The following DCK variants were observed in gnomAD, a reference collection of about 807,000 sequenced individuals.
DCK encodes the protein deoxycytidine kinase, also known as deoxyadenosine kinase.
A neutral mutation model predicts 38.3 loss-of-function variants in DCK; 23 were observed. The ratio of observed to expected loss-of-function variants is 0.60; its 90% CI spans 0.43 to 0.85. DCK has a LOEUF of 0.85. Ranked by LOEUF, DCK falls within the 40% of genes least tolerant of loss-of-function variation. DCK has a pLI of 0.00. For missense variants in DCK, 259 were observed against 304.4 expected, an observed-to-expected ratio of 0.85 and a Z score of 1.11; for synonymous variants, 108 against 100.6, an observed-to-expected ratio of 1.07 and a Z score of -0.44.
intron 6 of DCK, chr4:71,028,759 AT>A (rs11394166): frequency 8.8e-3 from 2,175 of 246,994 alleles, no homozygotes; most frequent in South Asian, 0.016. Context: ...TGCCTAGCTA[AT>A]TTTTTTTTTT....
chr4:71,014,088 G>T (rs1190105082), intron 2 of DCK, among the ~76,000 whole-genome samples: 1 of 151,514 alleles, frequency 6.6e-6, no homozygotes, highest in Non-Finnish European at 1.5e-5. Flanking sequence ...CCAAGCAAAT[G>T]GAAAACAAAA....
intron 2 of DCK, chr4:71,006,332 G>A (rs1739941665): frequency 1.1e-6 from 1 of 945,198 alleles, no homozygotes; most frequent in Non-Finnish European, 1.3e-6. Context: ...GAATGACAGA[G>A]TTCAGTGTCA....
intron 2 of DCK, among the ~76,000 whole-genome samples, chr4:71,008,527 A>C (rs1192861429): frequency 1.3e-5 from 2 of 152,210 alleles, no homozygotes; most frequent in Non-Finnish European, 2.9e-5. Context: ...AAGTTTGCTT[A>C]GCTTTTGAAG....
intron 2 of DCK, among the ~76,000 whole-genome samples, chr4:70,999,057 A>G (rs950025323): frequency 2.0e-5 from 3 of 152,266 alleles, no homozygotes. Flanking sequence ...TCTGGGATAC[A>G]TGTGCAGAAC....
chr4:71,001,849 A>T (rs1739808360), intron 2 of DCK, among the ~76,000 whole-genome samples: 1 of 151,868 alleles, frequency 6.6e-6, no homozygotes, highest in African/African-American at 2.4e-5. Context: ...TGTCTATTTG[A>T]TTCTTCCCGC....
rs886358023 is a variant in DCK at position 71,030,742 on chromosome 4, A to C, written c.*1364A>C. 2.6e-5 allele frequency: 4 copies of C among 152,140 alleles called. No individual in the cohort carries two copies. Among genetic ancestry groups the C allele is most frequent in the Non-Finnish European group, 4.4e-5 (3 of 67,994 alleles). The allele number at this position is 152,140 out of a possible 1,614,324, so 9.4% of individuals were successfully genotyped here. On this transcript the variant is annotated 3_prime_UTR_variant, in exon 7 of 7. Coordinates refer to ENST00000286648, the MANE Select transcript of DCK (RefSeq NM_000788.3). ...GAATTAAAATTTATTCTACTTTTAA[A>C]TAAATTATGAATATTAAAGGTGAAA... is the stretch of plus-strand genomic sequence containing the variant.
intron 6 of DCK, 101 bp from the exon 7 acceptor site, chr4:71,029,251 C>G (rs1472824470): frequency 3.0e-6 from 2 of 674,928 alleles, no homozygotes; most frequent in Non-Finnish European, 5.0e-6. Flanking sequence ...ACTTATACAG[C>G]TGGGGTCTTC....
chr4:71,002,883 G>A (rs1014266417), intron 2 of DCK, among the ~76,000 whole-genome samples: 3 of 151,976 alleles, frequency 2.0e-5, no homozygotes, highest in Non-Finnish European at 4.4e-5. Context: ...CCTGAATACC[G>A]CACACTGATG....
rs72552074 is a variant in DCK at position 71,023,212 on chromosome 4, C to T, written c.402-347C>T. ...AGAATATCATTGCTTTACATTTTTG[C>T]AGATATCTTTAATGCCTCACTTATT... On this transcript the variant is annotated intron_variant, in intron 3 of 6. Transcript: ENST00000286648. 8.2e-3 allele frequency among the ~76,000 whole-genome samples: 1,253 copies of T among 152,240 alleles called. 8 individuals are homozygous for T. The highest frequency in any genetic ancestry group is 0.029 in the African/African-American group (1,192 of 41,552).
chr4:71,009,447 T>C (rs1740033423), intron 2 of DCK, among the ~76,000 whole-genome samples: 1 of 152,238 alleles, frequency 6.6e-6, no homozygotes, highest in Admixed American at 6.5e-5. Flanking sequence ...CAGACTGTGA[T>C]GCATTAATAC....
intron 2 of DCK, among the ~76,000 whole-genome samples, chr4:71,003,591 G>C (rs1434355519): frequency 6.6e-6 from 1 of 152,198 alleles, no homozygotes; most frequent in Non-Finnish European, 1.5e-5. Flanking sequence ...AGGTATACCA[G>C]TCAAACGTAG....
intron 2 of DCK, among the ~76,000 whole-genome samples, chr4:71,003,083 A>G (rs1401876125): frequency 6.6e-6 from 1 of 152,136 alleles, no homozygotes; most frequent in African/African-American, 2.4e-5. Context: ...ATGTTTTTGC[A>G]GTGGCTGGTA....
At chr4:70,995,111 GA>G (rs796697829) in intron 1 of DCK, among the ~76,000 whole-genome samples, 8 of 152,318 alleles carry the variant, frequency 5.3e-5, no homozygotes, top group African/African-American at 1.9e-4. Context: ...CATTCTCAAA[GA>G]GGACTTCTTA....
At chr4:71,018,423 C>T (rs7699712) in intron 2 of DCK, among the ~76,000 whole-genome samples, 2,160 of 152,110 alleles carry the variant, frequency 0.014, 54 homozygotes, top group African/African-American at 0.05. Context: ...CCACTGCGCC[C>T]GGCCTAGATT....
Position 70,993,827 on chromosome 4 carries a change from G to A in DCK, c.-9G>A, listed in dbSNP as rs1270331186. 1 of 1,609,494 alleles carries A rather than the reference G, an allele frequency of 6.2e-7. No homozygotes were observed. The highest frequency in any genetic ancestry group is 8.5e-7 in the Non-Finnish European group (1 of 1,176,284). ...CCGGACGAGCTCTGGGCCGCCACAA[G>A]ACTAAGGAATGGCCACCCCGCCCAA... On this transcript the variant is annotated 5_prime_UTR_variant, in exon 1 of 7. Coordinates refer to ENST00000286648, the MANE Select transcript of DCK (RefSeq NM_000788.3).
chr4:70,995,469 A>G lies in DCK; in HGVS notation c.91+1543A>G, dbSNP rs183432920. On this transcript the variant is annotated intron_variant, in intron 1 of 6. Transcript: ENST00000286648. ...TGCATGTGTTGGTGTGCCTCCAGCT[A>G]CTCAGGAGGCTGAGGCAGGAGGATT... 2.2e-4 allele frequency among the ~76,000 whole-genome samples: 33 copies of G among 152,262 alleles called. No individual in the cohort carries two copies. The East Asian group carries it at 4.4e-3, about 20-fold the overall frequency.
Position 71,029,500 on chromosome 4 carries a change from G to T in DCK, c.*122G>T. 1 of 704,202 alleles carries T rather than the reference G, an allele frequency of 1.4e-6. No homozygotes were observed. Among genetic ancestry groups the T allele is most frequent in the Non-Finnish European group, 2.4e-6 (1 of 410,910 alleles). 43.6% of individuals were successfully genotyped at this position (704,202 alleles called of 1,614,324 possible). A position where few individuals can be genotyped will look rare whatever the true frequency, so the allele number is the denominator to read the frequency against. ...AAGTTTTTAATCGTTTTTGTTTTAA[G>T]GAAAAAAGATTTTTAAAATGAATCT... is the stretch of plus-strand genomic sequence containing the variant. On this transcript the variant is annotated 3_prime_UTR_variant, in exon 7 of 7. Coordinates refer to ENST00000286648, the MANE Select transcript of DCK (RefSeq NM_000788.3).
chr4:71,002,097 T>C (rs1276983673), intron 2 of DCK, among the ~76,000 whole-genome samples: 1 of 152,238 alleles, frequency 6.6e-6, no homozygotes. Context: ...TGCTTTCTCA[T>C]GTGGGCACTT....
intron 2 of DCK, among the ~76,000 whole-genome samples, chr4:71,016,404 G>A (rs1740262223): frequency 6.6e-6 from 1 of 152,094 alleles, no homozygotes; most frequent in South Asian, 2.1e-4. Context: ...AGCTACCAAT[G>A]ACTTTCTTCA....
Sources: gnomAD v4.1 joint callset for allele counts (sites outside exome capture counted in the v4.1 genomes callset) on GRCh38, gnomAD v4.1.1 for gene constraint, MANE v1.5 for transcripts, NCBI Gene and HGNC (gene_info 2026-07-23, HGNC 2026-07-21) for gene names.